The following HMBOX1 variants were observed in gnomAD, a reference collection of about 807,000 sequenced individuals.
HMBOX1 encodes homeobox containing 1.
Under a neutral mutation model 54.5 loss-of-function variants are expected in HMBOX1, and 14 were observed. The ratio of observed to expected loss-of-function variants is 0.26; its 90% confidence interval spans 0.17 to 0.40. The LOEUF is 0.40. Ranked by LOEUF, HMBOX1 falls within the 10% of genes least tolerant of loss-of-function variation. The pLI is 1.00. For missense variants in HMBOX1, 332 were observed against 514.4 expected (o/e 0.65, Z 3.43); for synonymous variants, 160 against 181.0 (o/e 0.88, Z 0.93).
intron 5 of HMBOX1, among the ~76,000 whole-genome samples, chr8:29,011,488 T>C (rs747570212): frequency 2.0e-5 from 3 of 152,230 alleles, no homozygotes; most frequent in Non-Finnish European, 2.9e-5. Context: ...TCTGTTATTC[T>C]GATGGGGATT....
chr8:28,903,144 C>T (rs559778965), intron 1 of HMBOX1, among the ~76,000 whole-genome samples: 4 of 152,116 alleles, frequency 2.6e-5, no homozygotes, highest in African/African-American at 9.6e-5. Flanking sequence ...CTTTCTTTTA[C>T]ACACACACAC....
At chr8:28,994,979 C>G (rs540747111) in intron 4 of HMBOX1, among the ~76,000 whole-genome samples, 26 of 152,156 alleles carry the variant, frequency 1.7e-4, no homozygotes, top group African/African-American at 6.3e-4. Flanking sequence ...TTCTGTCCAT[C>G]AAAACCCAGC....
intron 1 of HMBOX1, among the ~76,000 whole-genome samples, chr8:28,927,294 TA>T (rs1563403805): frequency 6.6e-6 from 1 of 151,948 alleles, no homozygotes; most frequent in Non-Finnish European, 1.5e-5. Flanking sequence ...AAAAGAAAAA[TA>T]TATATTTTAA....
intron 4 of HMBOX1, among the ~76,000 whole-genome samples, chr8:28,992,741 G>C (rs1422233494): frequency 7.9e-5 from 12 of 151,634 alleles, no homozygotes. Context: ...GTAGTGGTAT[G>C]TGCCTGTAAT....
In HMBOX1 at chr8:29,003,141, AG is replaced by A. The variant is rs1832890311; in HGVS notation, c.587-5927del. ...GAGGAGTGAGAGTACAGTCTTCTTT[AG>A]GGGACAGTTAGGTGACATTTGTCAC... On this transcript the variant is annotated intron_variant, in intron 4 of 9. Transcript: ENST00000287701. Among the ~76,000 whole-genome samples the A allele has an allele frequency of 2.0e-5, 3 of 150,338 alleles. No individual in the cohort carries two copies. The South Asian group carries it at 6.3e-4, about 32-fold the overall frequency.
intron 6 of HMBOX1, among the ~76,000 whole-genome samples, chr8:29,028,018 C>T (rs947575144): frequency 2.6e-5 from 4 of 152,162 alleles, no homozygotes; most frequent in Non-Finnish European, 5.9e-5. Flanking sequence ...AGCCTAGAAC[C>T]CTCTGAAATT....
At chr8:28,981,859 A>G (rs1166450293) in intron 4 of HMBOX1, among the ~76,000 whole-genome samples, 2 of 152,226 alleles carry the variant, frequency 1.3e-5, no homozygotes, top group Non-Finnish European at 2.9e-5. Flanking sequence ...AAACTGAAAG[A>G]TATGTTTTCC....
At position 28,987,598 on chromosome 8, in the gene HMBOX1, T is replaced by C. The variant is rs190871012; in HGVS notation, c.586+7442T>C. Reference sequence around the variant, plus strand: ...ATTCTAGATATGGTCCTTTATGCAGTAAAGAATTATCCTATTAACTCTTAA... The same window carrying C: ...ATTCTAGATATGGTCCTTTATGCAGCAAAGAATTATCCTATTAACTCTTAA... On this transcript the variant is annotated intron_variant, in intron 4 of 9. Coordinates refer to ENST00000287701, the MANE Select transcript of HMBOX1 (RefSeq NM_001135726.3). Among the ~76,000 whole-genome samples the C allele has an allele frequency of 2.6e-5, 4 of 152,296 alleles. No homozygotes were observed. The East Asian group carries it at 7.7e-4, about 29-fold the overall frequency.
At position 28,922,081 on chromosome 8, in the gene HMBOX1, C is replaced by T. The variant is rs994895700; in HGVS notation, c.-58+31403C>T. Among the ~76,000 whole-genome samples, 7 of 152,212 alleles carry T rather than the reference C, an allele frequency of 4.6e-5. No homozygotes were observed. In the South Asian group the frequency reaches 1.5e-3, roughly 32 times the overall value. On this transcript the variant is annotated intron_variant, in intron 1 of 9. Transcript: ENST00000287701. ...TAGTTGGTTCTGTATATCTGTTGGT[C>T]CCACATCCATGGATTTATGCAGCTA... is the stretch of plus-strand genomic sequence containing the variant.
At chr8:28,933,431 A>C (rs1387471478) in intron 1 of HMBOX1, among the ~76,000 whole-genome samples, 1 of 152,186 alleles carries the variant, frequency 6.6e-6, no homozygotes, top group Non-Finnish European at 1.5e-5. Context: ...ATTAAACCCA[A>C]AGTAAACAGA....
At chr8:28,938,028 C>T (rs1490702933) in intron 1 of HMBOX1, among the ~76,000 whole-genome samples, 2 of 152,004 alleles carry the variant, frequency 1.3e-5, no homozygotes, top group Non-Finnish European at 2.9e-5. Context: ...TAATTTAAGC[C>T]AGGATAACAG....
rs138070587 is a variant in HMBOX1, at chr8:28,957,478, A to G, written c.-57-6333A>G. 1.4e-4 allele frequency among the ~76,000 whole-genome samples: 22 copies of G among 152,280 alleles called. No homozygotes were observed. The East Asian group carries it at 4.0e-3, about 28-fold the overall frequency. ...GGGTACTATGCCCACTACCTGAGTG[A>G]TGGGTTCAGTTGTACCCCAAATCTC... On this transcript the variant is annotated intron_variant, in intron 1 of 9. Coordinates refer to ENST00000287701, the MANE Select transcript of HMBOX1 (RefSeq NM_001135726.3).
At chr8:28,959,108 C>T (rs1198529311) in intron 1 of HMBOX1, among the ~76,000 whole-genome samples, 1 of 151,990 alleles carries the variant, frequency 6.6e-6, no homozygotes, top group African/African-American at 2.4e-5. Flanking sequence ...ATTCATTCTT[C>T]TTATAGATCT....
chr8:28,892,967 T>TA (rs1563335677), intron 1 of HMBOX1, among the ~76,000 whole-genome samples: 2 of 152,184 alleles, frequency 1.3e-5, no homozygotes, highest in Admixed American at 6.5e-5. Flanking sequence ...TGGAGTTTTT[T>TA]AAAAAATGTT....
chr8:28,998,046 T>C (rs1208562875), intron 4 of HMBOX1, among the ~76,000 whole-genome samples: 4 of 152,254 alleles, frequency 2.6e-5, no homozygotes, highest in Non-Finnish European at 4.4e-5. Context: ...CTGGCTTTTC[T>C]TTGTGGGAAG....
chr8:28,891,691 G>C (rs188035542), intron 1 of HMBOX1: 1 of 152,312 alleles, frequency 6.6e-6, no homozygotes, highest in Non-Finnish European at 1.5e-5. Context: ...GGGAGAGGGG[G>C]TGCGCCGAAA....
intron 1 of HMBOX1, among the ~76,000 whole-genome samples, chr8:28,956,788 G>T (rs919496482): frequency 6.6e-6 from 1 of 152,086 alleles, no homozygotes; most frequent in Non-Finnish European, 1.5e-5. Context: ...AATTTTCTTA[G>T]TAGTTCTTAA....
chr8:29,007,616 G>A (rs931370873), intron 4 of HMBOX1, among the ~76,000 whole-genome samples: 1 of 152,086 alleles, frequency 6.6e-6, no homozygotes, highest in African/African-American at 2.4e-5. Flanking sequence ...CCAGGAGTTC[G>A]AGAGCAGCCT....
At chr8:28,985,429 A>G (rs1265938477) in intron 4 of HMBOX1, among the ~76,000 whole-genome samples, 2 of 152,224 alleles carry the variant, frequency 1.3e-5, no homozygotes, top group East Asian at 1.9e-4. Context: ...CAATTTCAAC[A>G]TAGGAATTTT....
Sources: gnomAD v4.1 joint callset for allele counts (sites outside exome capture counted in the v4.1 genomes callset) on GRCh38, gnomAD v4.1.1 for gene constraint, MANE v1.5 for transcripts, NCBI Gene and HGNC (gene_info 2026-07-23, HGNC 2026-07-21) for gene names.